The following COL4A2 variants were observed in gnomAD, a reference collection of about 807,000 sequenced individuals.
The protein encoded by COL4A2 is collagen alpha-2(IV) chain.
COL4A2 carries 99 observed loss-of-function variants against 200.2 expected under a neutral mutation model. The ratio of observed to expected loss-of-function variants is 0.49; its 90% CI spans 0.42 to 0.58. The LOEUF (loss-of-function observed/expected upper bound fraction) is 0.58. Ranked by LOEUF, COL4A2 falls within the 20% of genes least tolerant of loss-of-function variation. COL4A2 has a pLI of 0.00. For missense variants in COL4A2, 1,950 were observed against 2,314.1 expected (o/e 0.84, Z 3.23); for synonymous variants, 897 against 900.6 (o/e 1.00, Z 0.07).
intron 3 of COL4A2, among the ~76,000 whole-genome samples, chr13:110,325,573 T>C (rs898484971): frequency 2.6e-5 from 4 of 152,224 alleles, no homozygotes; most frequent in Non-Finnish European, 5.9e-5. Flanking sequence ...GACGCTGGGC[T>C]TGAACACTTA....
chr13:110,320,025 C>T (rs1344025720), intron 3 of COL4A2, among the ~76,000 whole-genome samples: 2 of 152,210 alleles, frequency 1.3e-5, no homozygotes, highest in East Asian at 1.9e-4. Flanking sequence ...CACATCAAGG[C>T]GCCAGAGGTT....
chr13:110,485,021 G>T lies in COL4A2; in HGVS notation c.3019G>T (p.Ala1007Ser), dbSNP rs148455649. ...GPMGLKGYLG[A>S]KGIQGMPGIP... ...TATGGGGCTGAAAGGATACCTGGGC[G>T]CAAAAGGTGAGGCTTCTGACCTGCA... Residue 1007 changes from alanine (A) to serine (S), a missense_variant, in exon 33 of 48, where the codon GCA (alanine) becomes TCA (serine). Ala to Ser is a moderately conservative substitution (Grantham distance 99). Coordinates refer to ENST00000360467, the MANE Select transcript of COL4A2 (RefSeq NM_001846.4). The T allele has an allele frequency of 6.3e-6, 10 of 1,596,028 alleles. No homozygotes were observed. The highest frequency in any genetic ancestry group is 6.9e-6 in the Non-Finnish European group (8 of 1,167,670).
At chr13:110,397,685 C>T (rs991531317) in intron 4 of COL4A2, among the ~76,000 whole-genome samples, 5 of 152,064 alleles carry the variant, frequency 3.3e-5, no homozygotes, top group African/African-American at 4.8e-5. Context: ...CGATCTGAGA[C>T]GGGCGTGTCA....
chr13:110,310,027 A>G (rs1337201056), intron 3 of COL4A2, among the ~76,000 whole-genome samples: 1 of 152,198 alleles, frequency 6.6e-6, no homozygotes, highest in Non-Finnish European at 1.5e-5. Context: ...CCTAGTTACT[A>G]AACATAGCTC....
chr13:110,496,565 T>G (rs1397640374), intron 40 of COL4A2, among the ~76,000 whole-genome samples: 1 of 150,744 alleles, frequency 6.6e-6, no homozygotes, highest in Non-Finnish European at 1.5e-5. Flanking sequence ...GGATCTAGGG[T>G]CAGTCCACCA....
At chr13:110,434,269 T>C in intron 11 of COL4A2, 132 bp from the exon 12 acceptor site, 1 of 754,284 alleles carries the variant, frequency 1.3e-6, no homozygotes, top group South Asian at 1.8e-5. Flanking sequence ...AAAGCAAGAA[T>C]ATTATGCAAA....
chr13:110,442,601 C>T (rs1881169715), intron 16 of COL4A2, among the ~76,000 whole-genome samples: 1 of 152,232 alleles, frequency 6.6e-6, no homozygotes, highest in Non-Finnish European at 1.5e-5. Flanking sequence ...TTGCCCTCCT[C>T]TACATAAACA....
At chr13:110,430,341 G>T in intron 8 of COL4A2, 60 bp from the exon 9 acceptor site, 3 of 1,590,756 alleles carry the variant, frequency 1.9e-6, no homozygotes, top group Non-Finnish European at 2.6e-6. Flanking sequence ...GCAATAAAAG[G>T]TAAGTAAATC....
rs1334037199 is a variant in COL4A2, at chr13:110,308,072, G to A, written c.48G>A (p.Trp16Ter). Residue 16 changes from tryptophan to a stop codon, truncating the protein, a stop_gained, in exon 3 of 48, where the codon TGG becomes TGA. Coordinates refer to ENST00000360467, the MANE Select transcript of COL4A2 (RefSeq NM_001846.4). LOFTEE classifies it high-confidence loss of function. ...TCTTCCTCCCTTTCCCATGCAGGTG[G>A]CTGCTGCTGGGGACAGTGACCGTGG... The part of the protein sequence containing the change: ...RAVAGPALRR[W>*]LLLGTVTVGF... 1 of 1,613,750 alleles carries A rather than the reference G, an allele frequency of 6.2e-7. No individual in the cohort carries two copies. The highest frequency in any genetic ancestry group is 1.7e-5 in the Admixed American group (1 of 60,030).
In COL4A2 at chr13:110,460,850, G is replaced by T. The variant is rs552552630; in HGVS notation, c.1597-1264G>T. 1.4e-4 allele frequency among the ~76,000 whole-genome samples: 22 copies of T among 152,238 alleles called. 1 individual carries two copies. Among genetic ancestry groups the T allele is most frequent in the African/African-American group, 5.1e-4 (21 of 41,536 alleles). On this transcript the variant is annotated intron_variant, in intron 22 of 47. Transcript: ENST00000360467. The stretch of plus-strand genomic sequence containing the variant: ...ATACCCAACGTGTATTGATCGATTG[G>T]GTCTGGTCTGTGTGTGAGGAACTCT...
rs372886526 is a variant in COL4A2, at chr13:110,428,617, C to T, written c.477+34C>T. 2.4e-3 allele frequency: 3,057 copies of T among 1,264,640 alleles called. 29 individuals carry two copies. The highest frequency in any genetic ancestry group is 0.02 in the South Asian group (1,282 of 64,796). 78.3% of individuals were successfully genotyped at this position (1,264,640 alleles called of 1,614,324 possible). On this transcript the variant is annotated intron_variant, in intron 7 of 47. Transcript: ENST00000360467. ...CCCCACAGCGCCTGTGCTCCAGGGA[C>T]GGGCAGACCCCTGCTAAGCCCTGCC...
intron 27 of COL4A2, chr13:110,468,164 A>T: frequency 2.1e-6 from 1 of 471,260 alleles, no homozygotes; most frequent in South Asian, 1.5e-5. Context: ...CCTGCACCTT[A>T]AGGGGGTCTT....
intron 33 of COL4A2, 82 bp downstream of exon 33, chr13:110,485,109 G>A (rs1284508253): frequency 2.5e-5 from 32 of 1,281,824 alleles, no homozygotes; most frequent in Non-Finnish European, 3.2e-5. Context: ...TCCGTCCCCA[G>A]AGACGCCCGT....
At chr13:110,438,711 GT>G (rs777571956) in intron 15 of COL4A2, 43 bp downstream of exon 15, 2 of 1,613,122 alleles carry the variant, frequency 1.2e-6, no homozygotes, top group Non-Finnish European at 8.5e-7. Context: ...GTTTGGTTTG[GT>G]TTTTTTCAGT....
chr13:110,364,508 A>G (rs1464294239), intron 4 of COL4A2, among the ~76,000 whole-genome samples: 1 of 152,242 alleles, frequency 6.6e-6, no homozygotes, highest in Non-Finnish European at 1.5e-5. Flanking sequence ...TCAGCTGCAT[A>G]ATTAACTCAA....
chr13:110,454,237 G>T (rs1594224975), intron 20 of COL4A2, among the ~76,000 whole-genome samples: 1 of 152,322 alleles, frequency 6.6e-6, no homozygotes, highest in South Asian at 2.1e-4. Context: ...GAGGCACACT[G>T]CTATTCTATA....
At chr13:110,456,140 A>G (rs1436815803) in intron 20 of COL4A2, among the ~76,000 whole-genome samples, 1 of 152,242 alleles carries the variant, frequency 6.6e-6, no homozygotes, top group Non-Finnish European at 1.5e-5. Flanking sequence ...CACCGTCATC[A>G]TCAGGGATGC....
At chr13:110,317,149 G>C (rs1368367246) in intron 3 of COL4A2, among the ~76,000 whole-genome samples, 1 of 139,486 alleles carries the variant, frequency 7.2e-6, no homozygotes, top group Non-Finnish European at 1.6e-5. Context: ...CACACATACA[G>C]ACACACAGAT....
intron 3 of COL4A2, among the ~76,000 whole-genome samples, chr13:110,324,255 G>A (rs143763784): frequency 1.0e-3 from 159 of 152,308 alleles, no homozygotes; most frequent in African/African-American, 3.2e-3. Context: ...CTTCATGGGC[G>A]TCAAGGGTAA....
Sources: gnomAD v4.1 joint callset for allele counts (sites outside exome capture counted in the v4.1 genomes callset) on GRCh38, gnomAD v4.1.1 for gene constraint, MANE v1.5 for transcripts, NCBI Gene and HGNC (gene_info 2026-07-23, HGNC 2026-07-21) for gene names.